The following SETDB2 variants were observed in gnomAD, a reference collection of about 807,000 sequenced individuals.
SETDB2 encodes the protein SET domain bifurcated histone lysine methyltransferase 2.
In SETDB2, 56 loss-of-function variants were observed where a neutral mutation model predicts 82.5. That is an observed-to-expected ratio of 0.68 (90% CI 0.55 to 0.85). The LOEUF (loss-of-function observed/expected upper bound fraction) is 0.85. SETDB2 is among the 40% of genes least tolerant of loss of function. The probability of loss-of-function intolerance (pLI) is 0.00; values close to 1 mark genes in which losing one functional copy is unlikely to be tolerated. For synonymous variants in SETDB2, 272 were observed against 284.9 expected, an observed-to-expected ratio of 0.95 and a Z score of 0.46; for missense variants, 677 against 816.4, an observed-to-expected ratio of 0.83 and a Z score of 2.08.
At chr13:49,480,191 C>T (rs1566171442) in intron 6 of SETDB2, 28 bp from the exon 7 acceptor site, 2 of 1,455,120 alleles carry the variant, frequency 1.4e-6, no homozygotes, top group Non-Finnish European at 1.9e-6. Context: ...CTTTTTCATT[C>T]TTTCTCCATC....
At position 49,483,505 on chromosome 13, in the gene SETDB2, C is replaced by T. The variant is rs1217214105; in HGVS notation, c.1424C>T (p.Ser475Leu). 3 of 1,477,270 alleles carry T rather than the reference C, an allele frequency of 2.0e-6. No individual in the cohort carries two copies. Among genetic ancestry groups the T allele is most frequent in the African/African-American group, 1.5e-5 (1 of 68,216 alleles). The allele number at this position is 1,477,270 out of a possible 1,614,324, so 91.5% of individuals were successfully genotyped here. A position where few individuals can be genotyped will look rare whatever the true frequency, so the allele number is the denominator to read the frequency against. The change falls in exon 10 of 14, where the codon TCA becomes TTA. Residue 475 changes from serine (S) to leucine (L), a missense_variant. Physicochemically the swap from Ser to Leu is moderately radical, Grantham distance 145. Transcript: ENST00000611815. ...AATATTTCAAGAATTCAATATCATT[C>T]AGTTATTAGAGATCCTGAATCCAAG... ...YDNISRIQYH[S>L]VIRDPESKTA...
chr13:49,481,290 T>C (rs954673050), intron 8 of SETDB2, among the ~76,000 whole-genome samples, 174 bp downstream of exon 8: 1 of 152,144 alleles, frequency 6.6e-6, no homozygotes, highest in African/African-American at 2.4e-5. Context: ...AGAGATGAGA[T>C]GCTTAGGAGG....
intron 1 of SETDB2, among the ~76,000 whole-genome samples, 184 bp downstream of exon 1, chr13:49,445,041 T>G (rs2138783692): frequency 6.6e-6 from 1 of 152,290 alleles, no homozygotes; most frequent in Admixed American, 6.5e-5. Flanking sequence ...GCTCTGTAAA[T>G]ACTAACACAT....
intron 1 of SETDB2, 33 bp from the exon 2 acceptor site, chr13:49,451,520 A>G (rs1344414951): frequency 6.9e-6 from 1 of 145,706 alleles, no homozygotes; most frequent in African/African-American, 2.5e-5. Context: ...GTCCTTTACA[A>G]ATATGCACTA....
chr13:49,448,009 T>C (rs927778836), intron 1 of SETDB2, among the ~76,000 whole-genome samples: 2 of 152,030 alleles, frequency 1.3e-5, no homozygotes, highest in Non-Finnish European at 1.5e-5. Context: ...TAAAAAAAAA[T>C]TGAGTAACTG....
intron 5 of SETDB2, among the ~76,000 whole-genome samples, chr13:49,473,870 TATAAGAAAAAGTG>T (rs1439367316): frequency 3.3e-5 from 5 of 152,108 alleles, no homozygotes; most frequent in Non-Finnish European, 4.4e-5. Context: ...CATAATTCCT[TATAAGAAAAAGTG>T]GTAAGAAGGA....
chr13:49,460,046 C>A, intron 2 of SETDB2, 61 bp from the exon 3 acceptor site: 1 of 1,511,264 alleles, frequency 6.6e-7, no homozygotes, highest in South Asian at 1.2e-5. Flanking sequence ...ATAACATGTT[C>A]TTAGATAAAT....
intron 7 of SETDB2, 59 bp downstream of exon 7, chr13:49,480,394 T>C (rs1958454316): frequency 9.8e-7 from 1 of 1,019,928 alleles, no homozygotes; most frequent in Non-Finnish European, 1.4e-6. Flanking sequence ...GGGTACTTTT[T>C]ATTGTGGTCC....
intron 1 of SETDB2, among the ~76,000 whole-genome samples, chr13:49,450,689 A>G (rs907775354): frequency 3.9e-5 from 6 of 152,000 alleles, no homozygotes; most frequent in African/African-American, 1.4e-4. Context: ...GCATGGCTAT[A>G]TATATATATT....
intron 6 of SETDB2, among the ~76,000 whole-genome samples, chr13:49,478,771 C>G (rs1010783116): frequency 6.6e-6 from 1 of 151,914 alleles, no homozygotes; most frequent in African/African-American, 2.4e-5. Flanking sequence ...TACAAAAATA[C>G]AAAAGTTAGC....
At chr13:49,483,257 G>C (rs1268157776) in intron 9 of SETDB2, among the ~76,000 whole-genome samples, 1 of 151,896 alleles carries the variant, frequency 6.6e-6, no homozygotes, top group Non-Finnish European at 1.5e-5. Context: ...AGTTTTCATA[G>C]GTTCTCTTCC....
rs1171964672 is a variant in SETDB2 at position 49,493,949 on chromosome 13, G to A, written c.*2100G>A. 2 of 152,096 alleles carry A rather than the reference G, an allele frequency of 1.3e-5. No homozygotes were observed. Among genetic ancestry groups the A allele is most frequent in the Non-Finnish European group, 2.9e-5 (2 of 68,034 alleles). The allele number at this position is 152,096 out of a possible 1,614,324, so 9.4% of individuals were successfully genotyped here. On this transcript the variant is annotated 3_prime_UTR_variant, in exon 14 of 14. Transcript: ENST00000611815. Reference sequence around the variant, plus strand: ...AGTCCATTTTCATCCTTTGTACTAGGTGCCTGGTGGGATCATTCCGTCTGA... The same window carrying A: ...AGTCCATTTTCATCCTTTGTACTAGATGCCTGGTGGGATCATTCCGTCTGA...
chr13:49,448,498 A>G (rs1957733082), intron 1 of SETDB2, among the ~76,000 whole-genome samples: 1 of 152,116 alleles, frequency 6.6e-6, no homozygotes, highest in African/African-American at 2.4e-5. Context: ...ACCGATCACC[A>G]TTTCTAAATG....
At chr13:49,470,933 T>C (rs1958219454) in intron 5 of SETDB2, among the ~76,000 whole-genome samples, 2 of 148,670 alleles carry the variant, frequency 1.3e-5, no homozygotes, top group Admixed American at 1.4e-4. Context: ...TTGGTGTTTT[T>C]TTGTGGGGTT....
chr13:49,454,104 G>A (rs1957833187), intron 2 of SETDB2, among the ~76,000 whole-genome samples: 1 of 151,982 alleles, frequency 6.6e-6, no homozygotes, highest in Non-Finnish European at 1.5e-5. Flanking sequence ...TTCAATTCCA[G>A]TATATATATG....
chr13:49,467,733 A>G (rs1958146020), intron 4 of SETDB2, 131 bp from the exon 5 acceptor site: 1 of 489,364 alleles, frequency 2.0e-6, no homozygotes, highest in African/African-American at 2.0e-5. Context: ...TCAATCTTGA[A>G]ACCTTACTAT....
intron 4 of SETDB2, among the ~76,000 whole-genome samples, chr13:49,461,899 T>C (rs950177109): frequency 3.3e-5 from 5 of 152,200 alleles, no homozygotes; most frequent in African/African-American, 1.2e-4. Context: ...TTCCATGATT[T>C]GCTATAATGG....
chr13:49,480,694 G>A (rs1446857260), intron 7 of SETDB2, among the ~76,000 whole-genome samples: 1 of 152,166 alleles, frequency 6.6e-6, no homozygotes, highest in Non-Finnish European at 1.5e-5. Context: ...TCTTCACAAA[G>A]CAGCCCTATG....
rs906463143 is a variant in SETDB2 at position 49,494,950 on chromosome 13, A to C, written c.*3101A>C. ...AGATTCACTGAAAACCTCATCTTGTATGGTGCTCTGTACCCTATGGGTGCT... is the reference window on the plus strand; with the variant it reads ...AGATTCACTGAAAACCTCATCTTGTCTGGTGCTCTGTACCCTATGGGTGCT... On this transcript the variant is annotated 3_prime_UTR_variant, in exon 14 of 14. Coordinates refer to ENST00000611815, the MANE Select transcript of SETDB2 (RefSeq NM_001160308.3). 1.3e-5 allele frequency: 2 copies of C among 151,876 alleles called. No individual in the cohort carries two copies. The highest frequency in any genetic ancestry group is 6.6e-5 in the Admixed American group (1 of 15,260). The allele number at this position is 151,876 out of a possible 1,614,324, so 9.4% of individuals were successfully genotyped here. A position where few individuals can be genotyped will look rare whatever the true frequency, so the allele number is the denominator to read the frequency against.
Sources: allele counts gnomAD v4.1 joint callset (sites outside exome capture counted in the v4.1 genomes callset), GRCh38; gene constraint gnomAD v4.1.1; transcripts MANE v1.5; gene names NCBI Gene and HGNC (gene_info 2026-07-23, HGNC 2026-07-21).